Variants in IL15 observed in about 807,000 individuals in gnomAD.
The protein encoded by IL15 is interleukin-15.
In IL15, 11 loss-of-function variants were observed where a neutral mutation model predicts 19.6. The ratio of observed to expected loss-of-function variants is 0.56; its 90% CI spans 0.35 to 0.93. IL15 has a LOEUF of 0.93. Ranked by LOEUF, IL15 falls within the 40% of genes least tolerant of loss-of-function variation. The pLI is 0.01. For synonymous variants in IL15, 58 were observed against 59.6 expected, an observed-to-expected ratio of 0.97 and a Z score of 0.12; for missense variants, 197 against 186.5, an observed-to-expected ratio of 1.06 and a Z score of -0.33.
chr4:141,667,529 C>T (rs991594088), intron 2 of IL15, among the ~76,000 whole-genome samples: 14 of 152,004 alleles, frequency 9.2e-5, no homozygotes, highest in African/African-American at 3.4e-4. Context: ...ACTGTTTTTC[C>T]ACCCAGCACC....
intron 2 of IL15, among the ~76,000 whole-genome samples, chr4:141,709,198 C>A (rs1729631625): frequency 6.6e-6 from 1 of 151,686 alleles, no homozygotes; most frequent in Non-Finnish European, 1.5e-5. Context: ...AGTATGAATT[C>A]AGATTTGTGT....
intron 1 of IL15, among the ~76,000 whole-genome samples, chr4:141,652,830 C>T (rs535556046): frequency 4.6e-5 from 7 of 152,200 alleles, no homozygotes; most frequent in African/African-American, 1.4e-4. Context: ...TTATGGTAAT[C>T]GCATCTCTTT....
intron 2 of IL15, chr4:141,716,151 C>G (rs746200662): frequency 1.3e-5 from 2 of 152,338 alleles, no homozygotes; most frequent in African/African-American, 4.8e-5. Flanking sequence ...TCAGTGCTGC[C>G]ATGAGTCAGC....
intron 2 of IL15, among the ~76,000 whole-genome samples, chr4:141,711,988 T>C (rs1046802997): frequency 1.1e-4 from 17 of 152,138 alleles, no homozygotes; most frequent in African/African-American, 3.9e-4. Context: ...ATCCTGGAAT[T>C]AGGAAATTCA....
chr4:141,705,891 C>G (rs1729498303), intron 2 of IL15, among the ~76,000 whole-genome samples: 1 of 151,626 alleles, frequency 6.6e-6, no homozygotes, highest in South Asian at 2.1e-4. Context: ...ATAAGTATGG[C>G]TATTTCTGCT....
At chr4:141,686,517 G>A (rs935541487) in intron 2 of IL15, among the ~76,000 whole-genome samples, 5 of 152,080 alleles carry the variant, frequency 3.3e-5, no homozygotes, top group Admixed American at 2.6e-4. Flanking sequence ...CACCTTTGAC[G>A]AGTTCCTTAA....
chr4:141,733,838 C>A lies in IL15; in HGVS notation c.*990C>A, dbSNP rs1013078957. 3 of 152,078 alleles carry A rather than the reference C, an allele frequency of 2.0e-5. No homozygotes were observed. The highest frequency in any genetic ancestry group is 7.2e-5 in the African/African-American group (3 of 41,428). The allele number at this position is 152,078 out of a possible 1,614,324, so 9.4% of individuals were successfully genotyped here. On this transcript the variant is annotated 3_prime_UTR_variant, in exon 8 of 8. Coordinates refer to ENST00000320650, the MANE Select transcript of IL15 (RefSeq NM_000585.5). ...GTTTATATAATAATAAAGAAAAACC[C>A]TGTTGATTTGTTGGAGCCATTGTTA...
chr4:141,664,840 T>C (rs561098266), intron 2 of IL15, among the ~76,000 whole-genome samples: 24 of 152,304 alleles, frequency 1.6e-4, no homozygotes, highest in African/African-American at 5.8e-4. Context: ...CTCATATTGT[T>C]TCATTTTTTA....
intron 1 of IL15, among the ~76,000 whole-genome samples, chr4:141,641,487 T>C (rs1278598006): frequency 6.6e-6 from 1 of 152,028 alleles, no homozygotes; most frequent in Non-Finnish European, 1.5e-5. Flanking sequence ...GTGGCACATA[T>C]ACACCATAGA....
intron 2 of IL15, among the ~76,000 whole-genome samples, chr4:141,678,226 C>A (rs111243499): frequency 6.6e-6 from 1 of 152,148 alleles, no homozygotes; most frequent in Non-Finnish European, 1.5e-5. Context: ...GTGATTTGCA[C>A]TTGTGTTTAT....
chr4:141,653,869 T>C (rs1490284166), intron 1 of IL15, among the ~76,000 whole-genome samples: 1 of 152,208 alleles, frequency 6.6e-6, no homozygotes, highest in Admixed American at 6.5e-5. Context: ...TCATGAGATG[T>C]TCAATATCCA....
chr4:141,684,158 A>G (rs1728633729), intron 2 of IL15, among the ~76,000 whole-genome samples: 1 of 152,176 alleles, frequency 6.6e-6, no homozygotes, highest in African/African-American at 2.4e-5. Flanking sequence ...AAAAATTAAC[A>G]CAGAAGTTTA....
intron 2 of IL15, among the ~76,000 whole-genome samples, chr4:141,705,261 G>T (rs540180892): frequency 6.6e-5 from 10 of 151,686 alleles, no homozygotes; most frequent in Admixed American, 1.3e-4. Flanking sequence ...ATGTCGCATA[G>T]GTTTTGATAT....
At chr4:141,678,315 G>A (rs1363193820) in intron 2 of IL15, among the ~76,000 whole-genome samples, 7 of 151,754 alleles carry the variant, frequency 4.6e-5, no homozygotes, top group Non-Finnish European at 7.4e-5. Context: ...CCTTATGAAC[G>A]TACTTAAAAA....
intron 2 of IL15, chr4:141,714,691 A>G (rs1287721769): frequency 1.3e-5 from 2 of 152,084 alleles, no homozygotes; most frequent in African/African-American, 4.8e-5. Flanking sequence ...TTTGCTGGAT[A>G]TACTTCCCTT....
intron 2 of IL15, among the ~76,000 whole-genome samples, chr4:141,673,828 A>T (rs1035597475): frequency 6.6e-6 from 1 of 152,190 alleles, no homozygotes; most frequent in African/African-American, 2.4e-5. Context: ...AAAAACAAAC[A>T]TTCTAGTTTT....
chr4:141,680,415 A>G (rs1241788077), intron 2 of IL15, among the ~76,000 whole-genome samples: 3 of 152,212 alleles, frequency 2.0e-5, no homozygotes, highest in Non-Finnish European at 4.4e-5. Context: ...TTTTGTTTGA[A>G]TATCAGAGAC....
chr4:141,713,589 G>C (rs1729778471), intron 2 of IL15, among the ~76,000 whole-genome samples: 1 of 152,114 alleles, frequency 6.6e-6, no homozygotes, highest in African/African-American at 2.4e-5. Context: ...GAGTCTTACT[G>C]ACCACTACTT....
intron 2 of IL15, among the ~76,000 whole-genome samples, chr4:141,700,913 T>C (rs1464687456): frequency 6.6e-6 from 1 of 152,238 alleles, no homozygotes; most frequent in African/African-American, 2.4e-5. Context: ...TAGTCTATTG[T>C]TGAAACTTTC....
Sources: gnomAD v4.1 joint callset for allele counts (sites outside exome capture counted in the v4.1 genomes callset) on GRCh38, gnomAD v4.1.1 for gene constraint, MANE v1.5 for transcripts, NCBI Gene and HGNC (gene_info 2026-07-23, HGNC 2026-07-21) for gene names.